Variants in CNTN4 observed in about 807,000 individuals in gnomAD.
CNTN4 encodes the protein contactin-4.
In CNTN4, 77 loss-of-function variants were observed where a neutral mutation model predicts 122.5. The ratio of observed to expected loss-of-function variants is 0.63; its 90% CI spans 0.52 to 0.76. CNTN4 has a LOEUF of 0.76. Ranked by LOEUF, CNTN4 falls within the 30% of genes least tolerant of loss-of-function variation. The pLI is 0.00. For synonymous variants in CNTN4, 512 were observed against 447.0 expected, an observed-to-expected ratio of 1.15 and a Z score of -1.83; for missense variants, 1,256 against 1,259.1, an observed-to-expected ratio of 1.00 and a Z score of 0.04.
intron 2 of CNTN4, among the ~76,000 whole-genome samples, chr3:2,115,467 T>C (rs2033285214): frequency 6.6e-6 from 1 of 152,238 alleles, no homozygotes; most frequent in South Asian, 2.1e-4. Context: ...ACCCTGTTTA[T>C]CCTCTTAGCT....
At position 2,694,875 on chromosome 3, in the gene CNTN4, G is replaced by T. The variant is rs533143693; in HGVS notation, c.56-41340G>T. Among the ~76,000 whole-genome samples the T allele has an allele frequency of 7.2e-5, 11 of 152,298 alleles. No individual in the cohort carries two copies. The South Asian group carries it at 1.9e-3, about 26-fold the overall frequency. On this transcript the variant is annotated intron_variant, in intron 4 of 24. Coordinates refer to ENST00000418658, the MANE Select transcript of CNTN4 (RefSeq NM_175607.3). ...TTGAGGAGTAGACCTCACAACGTTT[G>T]TTTTTGTATTAGTATACTTCAACCC...
At chr3:2,331,298 G>A (rs958055719) in intron 2 of CNTN4, among the ~76,000 whole-genome samples, 1 of 152,054 alleles carries the variant, frequency 6.6e-6, no homozygotes, top group Non-Finnish European at 1.5e-5. Context: ...TAGTTTTTCA[G>A]GATACTGCAT....
At chr3:2,106,539 T>C (rs1468832462) in intron 2 of CNTN4, among the ~76,000 whole-genome samples, 1 of 152,246 alleles carries the variant, frequency 6.6e-6, no homozygotes, top group African/African-American at 2.4e-5. Context: ...GAGCTATACC[T>C]TGGCCCCTTT....
intron 4 of CNTN4, among the ~76,000 whole-genome samples, chr3:2,653,612 CTTCTT>C (rs1297509167): frequency 1.3e-5 from 2 of 152,026 alleles, no homozygotes; most frequent in Admixed American, 1.3e-4. Context: ...CAGAAATACT[CTTCTT>C]TCTCCTATTT....
intron 3 of CNTN4, among the ~76,000 whole-genome samples, chr3:2,559,487 T>C (rs967294925): frequency 5.3e-5 from 8 of 152,072 alleles, no homozygotes; most frequent in Non-Finnish European, 8.8e-5. Context: ...AATAATCATA[T>C]ACCTGCCTCC....
chr3:2,781,778 G>C (rs530811022), intron 6 of CNTN4, among the ~76,000 whole-genome samples: 1,923 of 132,542 alleles, frequency 0.015, 51 homozygotes, highest in Non-Finnish European at 0.018. Context: ...AGGCTGGAGG[G>C]CAGTAGCGCG....
At chr3:2,564,499 C>G (rs2079076566) in intron 3 of CNTN4, among the ~76,000 whole-genome samples, 3 of 152,214 alleles carry the variant, frequency 2.0e-5, no homozygotes, top group Admixed American at 6.5e-5. Context: ...CTTCATTTAA[C>G]TAATTAAATA....
chr3:2,619,317 A>G lies in CNTN4; in HGVS notation c.55+47759A>G, dbSNP rs112851938. On this transcript the variant is annotated intron_variant, in intron 4 of 24. Coordinates refer to ENST00000418658, the MANE Select transcript of CNTN4 (RefSeq NM_175607.3). ...TCTTGCTACCAGCTGGCCTATGACT[A>G]AAACACCAGGCTGGTGCTGCTTCTA... Among the ~76,000 whole-genome samples, 787 of 152,350 alleles carry G rather than the reference A, an allele frequency of 5.2e-3. 7 individuals carry two copies. The highest frequency in any genetic ancestry group is 0.017 in the African/African-American group (696 of 41,578).
At chr3:2,316,349 G>T (rs189784757) in intron 2 of CNTN4, among the ~76,000 whole-genome samples, 59 of 152,002 alleles carry the variant, frequency 3.9e-4, no homozygotes, top group Admixed American at 1.2e-3. Context: ...TCCCCCCACT[G>T]ATCTATTGTA....
chr3:2,433,801 G>A (rs552895086), intron 3 of CNTN4, among the ~76,000 whole-genome samples: 5 of 152,230 alleles, frequency 3.3e-5, no homozygotes, highest in East Asian at 3.9e-4. Flanking sequence ...CTAGGTTTAC[G>A]ATGTGAGGTA....
chr3:2,590,288 G>T (rs1206718569), intron 4 of CNTN4, among the ~76,000 whole-genome samples: 1 of 152,034 alleles, frequency 6.6e-6, no homozygotes, highest in Non-Finnish European at 1.5e-5. Context: ...ACAGGGTCTC[G>T]CTCTGTCGCC....
At chr3:2,973,790 A>G (rs1024564911) in intron 13 of CNTN4, among the ~76,000 whole-genome samples, 1 of 152,188 alleles carries the variant, frequency 6.6e-6, no homozygotes, top group African/African-American at 2.4e-5. Flanking sequence ...GAAGTGTAAC[A>G]TCAATGCCAT....
At chr3:2,870,382 A>G (rs2093771052) in intron 8 of CNTN4, among the ~76,000 whole-genome samples, 1 of 152,218 alleles carries the variant, frequency 6.6e-6, no homozygotes, top group African/African-American at 2.4e-5. Context: ...TTTTCCATTT[A>G]CACTGGAGTA....
At chr3:2,179,746 A>G (rs180933289) in intron 2 of CNTN4, among the ~76,000 whole-genome samples, 11 of 152,048 alleles carry the variant, frequency 7.2e-5, no homozygotes, top group Non-Finnish European at 1.5e-4. Flanking sequence ...GTTTATTCAG[A>G]CATTCATTAA....
intron 4 of CNTN4, among the ~76,000 whole-genome samples, chr3:2,677,678 T>C (rs1330083533): frequency 6.6e-6 from 1 of 152,114 alleles, no homozygotes; most frequent in East Asian, 1.9e-4. Context: ...AACAGTTGAC[T>C]TCAAATTCCC....
intron 2 of CNTN4, among the ~76,000 whole-genome samples, chr3:2,213,045 G>T (rs2038688195): frequency 6.6e-6 from 1 of 152,056 alleles, no homozygotes; most frequent in Admixed American, 6.6e-5. Flanking sequence ...TCTCAGAATG[G>T]GCATCAATCT....
intron 12 of CNTN4, among the ~76,000 whole-genome samples, chr3:2,921,000 G>C (rs1422218297): frequency 6.6e-6 from 1 of 152,182 alleles, no homozygotes; most frequent in African/African-American, 2.4e-5. Context: ...TCAGAGTTGT[G>C]TTGAGAGTCT....
intron 3 of CNTN4, among the ~76,000 whole-genome samples, chr3:2,475,160 C>T (rs9884002): frequency 9.9e-5 from 15 of 151,958 alleles, no homozygotes; most frequent in Non-Finnish European, 1.3e-4. Context: ...TTGACAGGTA[C>T]GAAATGGACA....
At chr3:2,414,011 T>C (rs148683103) in intron 3 of CNTN4, among the ~76,000 whole-genome samples, 139 of 152,294 alleles carry the variant, frequency 9.1e-4, no homozygotes, top group African/African-American at 3.2e-3. Context: ...ATTCGTTGAA[T>C]ACCGAGGATG....
Sources: gnomAD v4.1 joint callset for allele counts (sites outside exome capture counted in the v4.1 genomes callset) on GRCh38, gnomAD v4.1.1 for gene constraint, MANE v1.5 for transcripts, NCBI Gene and HGNC (gene_info 2026-07-23, HGNC 2026-07-21) for gene names.